AGBL1: variants seen among roughly 807,000 people sequenced by gnomAD.
AGBL1 encodes AGBL carboxypeptidase 1, also known as cytosolic carboxypeptidase 4.
A neutral mutation model predicts 118.9 loss-of-function variants in AGBL1; 130 were observed. The ratio of observed to expected loss-of-function variants is 1.09; its 90% CI spans 0.95 to 1.26. The LOEUF is 1.26. Ranked by LOEUF, AGBL1 falls within the 50% of genes most tolerant of loss-of-function variation. The probability of loss-of-function intolerance (pLI) is 0.00; values close to 1 mark genes in which losing one functional copy is unlikely to be tolerated. For missense variants in AGBL1, 1,584 were observed against 1,298.1 expected (o/e 1.22, Z -3.38); for synonymous variants, 555 against 478.9 (o/e 1.16, Z -2.08).
chr15:86,472,997 T>G (rs2082500085), intron 18 of AGBL1, among the ~76,000 whole-genome samples: 2 of 152,218 alleles, frequency 1.3e-5, no homozygotes, highest in African/African-American at 4.8e-5. Context: ...TTTTAATGGA[T>G]TTCTTTCAAT....
chr15:86,511,939 T>C (rs996683101), intron 18 of AGBL1, among the ~76,000 whole-genome samples: 1 of 152,044 alleles, frequency 6.6e-6, no homozygotes, highest in Non-Finnish European at 1.5e-5. Context: ...TAGAGAATAA[T>C]GTGTTCTTGC....
intron 5 of AGBL1, among the ~76,000 whole-genome samples, chr15:86,192,154 G>C (rs527321863): frequency 1.3e-5 from 2 of 150,620 alleles, no homozygotes; most frequent in African/African-American, 4.9e-5. Context: ...ACGCATGCAC[G>C]TGCACACACA....
At chr15:86,656,707 C>G (rs375192492) in intron 21 of AGBL1, among the ~76,000 whole-genome samples, 12 of 152,226 alleles carry the variant, frequency 7.9e-5, no homozygotes, top group Admixed American at 1.3e-4. Flanking sequence ...CTGGCCAGAA[C>G]CCTTGTGACC....
intron 22 of AGBL1, among the ~76,000 whole-genome samples, chr15:86,731,907 CA>C (rs2077532242): frequency 6.6e-6 from 1 of 152,202 alleles, no homozygotes; most frequent in Non-Finnish European, 1.5e-5. Context: ...AATAAAAACT[CA>C]GTTCTTTAAG....
At chr15:86,384,782 G>T (rs1596046157) in intron 17 of AGBL1, among the ~76,000 whole-genome samples, 1 of 152,200 alleles carries the variant, frequency 6.6e-6, no homozygotes, top group East Asian at 1.9e-4. Context: ...ATAGTTTAGA[G>T]ACAGAGGGTA....
chr15:86,761,881 T>C (rs565190698), intron 22 of AGBL1, among the ~76,000 whole-genome samples: 1 of 152,242 alleles, frequency 6.6e-6, no homozygotes, highest in African/African-American at 2.4e-5. Flanking sequence ...CAATTGGTTT[T>C]GGCAATTTCA....
chr15:86,651,840 C>T (rs1012912300), intron 21 of AGBL1, among the ~76,000 whole-genome samples: 1 of 152,120 alleles, frequency 6.6e-6, no homozygotes, highest in Non-Finnish European at 1.5e-5. Flanking sequence ...TTCCTTGGTC[C>T]ACTGCTTGGT....
chr15:86,419,564 G>GTT (rs530557383), intron 18 of AGBL1, among the ~76,000 whole-genome samples: 7 of 146,518 alleles, frequency 4.8e-5, no homozygotes, highest in Admixed American at 6.8e-5. Context: ...AGCTGCAGGA[G>GTT]TTTTTTTTTT....
chr15:86,161,405 C>T (rs1019167269), intron 5 of AGBL1, among the ~76,000 whole-genome samples: 1 of 152,144 alleles, frequency 6.6e-6, no homozygotes, highest in Non-Finnish European at 1.5e-5. Context: ...CCCAATTTTA[C>T]CGGAAAATAA....
At chr15:86,572,632 G>T (rs1224700338) in intron 21 of AGBL1, among the ~76,000 whole-genome samples, 1 of 152,184 alleles carries the variant, frequency 6.6e-6, no homozygotes, top group East Asian at 1.9e-4. Context: ...CTAGGAGTGG[G>T]TCCTGCCCAG....
At chr15:86,699,134 TTAAA>T (rs1189765967) in intron 22 of AGBL1, among the ~76,000 whole-genome samples, 2 of 152,094 alleles carry the variant, frequency 1.3e-5, no homozygotes, top group Non-Finnish European at 2.9e-5. Flanking sequence ...CCTTTTATCT[TTAAA>T]TAATTTCAAC....
intron 21 of AGBL1, among the ~76,000 whole-genome samples, chr15:86,595,320 C>T (rs2084390380): frequency 6.6e-6 from 1 of 152,142 alleles, no homozygotes; most frequent in Admixed American, 6.6e-5. Flanking sequence ...TCATGTTCCA[C>T]ACCAAATGCT....
At chr15:86,359,671 G>A (rs1400875654) in intron 17 of AGBL1, among the ~76,000 whole-genome samples, 2 of 151,664 alleles carry the variant, frequency 1.3e-5, no homozygotes, top group East Asian at 1.9e-4. Flanking sequence ...TACAATCCTT[G>A]AACAAGAAAT....
intron 21 of AGBL1, among the ~76,000 whole-genome samples, chr15:86,573,141 G>A (rs1337825009): frequency 6.6e-6 from 1 of 152,190 alleles, no homozygotes. Context: ...TTAAGCTGAA[G>A]TTTGTGACTG....
intron 24 of AGBL1, among the ~76,000 whole-genome samples, chr15:87,016,840 G>A (rs1226587354): frequency 2.6e-5 from 4 of 152,106 alleles, no homozygotes; most frequent in African/African-American, 4.8e-5. Flanking sequence ...AGCAGATCAG[G>A]GATCCCCTTC....
At chr15:86,960,669 C>A (rs2080983951) in intron 23 of AGBL1, among the ~76,000 whole-genome samples, 1 of 151,906 alleles carries the variant, frequency 6.6e-6, no homozygotes, top group Admixed American at 6.6e-5. Context: ...GATATCTGCA[C>A]CCCCATGTAC....
chr15:86,546,240 A>C, intron 20 of AGBL1, 107 bp downstream of exon 20: 1 of 1,115,228 alleles, frequency 9.0e-7, no homozygotes, highest in Non-Finnish European at 1.2e-6. Flanking sequence ...TTTTTTTGTA[A>C]ATAAGCATTT....
chr15:86,721,324 G>A (rs541442681), intron 22 of AGBL1, among the ~76,000 whole-genome samples: 1 of 152,242 alleles, frequency 6.6e-6, no homozygotes, highest in East Asian at 1.9e-4. Flanking sequence ...CTTCATCCCT[G>A]GGATGCAAGA....
chr15:86,937,637 A>C (rs1335166247), intron 23 of AGBL1, among the ~76,000 whole-genome samples: 3 of 152,142 alleles, frequency 2.0e-5, no homozygotes, highest in African/African-American at 7.2e-5. Context: ...ATAGACACTG[A>C]GTTCTACTTG....
Sources: allele counts gnomAD v4.1 joint callset (sites outside exome capture counted in the v4.1 genomes callset), GRCh38; gene constraint gnomAD v4.1.1; transcripts MANE v1.5; gene names NCBI Gene and HGNC (gene_info 2026-07-23, HGNC 2026-07-21).